CTNND2: variants seen among roughly 807,000 people sequenced by gnomAD.
The protein encoded by CTNND2 is catenin delta-2.
CTNND2 carries 22 observed loss-of-function variants against 144.4 expected under a neutral mutation model. That is an observed-to-expected ratio of 0.15 (90% confidence interval 0.11 to 0.22). CTNND2 has a LOEUF of 0.22. Among genes scored for constraint, CTNND2 ranks in the 10% least tolerant of loss-of-function variants. CTNND2 has a pLI of 1.00. For missense variants in CTNND2, 1,353 were observed against 1,618.8 expected (o/e 0.84, Z 2.82); for synonymous variants, 751 against 695.6 (o/e 1.08, Z -1.25).
intron 1 of CTNND2, among the ~76,000 whole-genome samples, chr5:11,881,014 A>G (rs1000013645): frequency 3.4e-5 from 5 of 148,362 alleles, no homozygotes; most frequent in Non-Finnish European, 7.4e-5. Flanking sequence ...TACCACCACT[A>G]CTACTACCAC....
intron 1 of CTNND2, among the ~76,000 whole-genome samples, chr5:11,833,825 G>C (rs1470282204): frequency 6.6e-6 from 1 of 152,124 alleles, no homozygotes; most frequent in Non-Finnish European, 1.5e-5. Context: ...TGCCCGACTG[G>C]AACTGTTTTC....
chr5:11,757,174 G>A (rs184364468), intron 1 of CTNND2, among the ~76,000 whole-genome samples: 3 of 150,952 alleles, frequency 2.0e-5, no homozygotes, highest in Admixed American at 6.6e-5. Context: ...CACACAAATC[G>A]ATATACACAC....
At chr5:11,872,975 C>T (rs964916376) in intron 1 of CTNND2, among the ~76,000 whole-genome samples, 12 of 152,086 alleles carry the variant, frequency 7.9e-5, no homozygotes, top group African/African-American at 2.7e-4. Flanking sequence ...AAAGCAATGC[C>T]AACAAAAGCC....
chr5:11,465,470 A>G (rs935519764), intron 3 of CTNND2, among the ~76,000 whole-genome samples: 4 of 152,198 alleles, frequency 2.6e-5, no homozygotes, highest in African/African-American at 9.7e-5. Flanking sequence ...GCATTCTCAC[A>G]TGATCGATGT....
chr5:11,237,311 G>C (rs932303780), intron 9 of CTNND2, among the ~76,000 whole-genome samples: 3 of 152,060 alleles, frequency 2.0e-5, no homozygotes, highest in Admixed American at 6.6e-5. Flanking sequence ...GAGCCAGCGC[G>C]CCCAGCCTAG....
At chr5:11,829,108 C>A (rs1793752689) in intron 1 of CTNND2, among the ~76,000 whole-genome samples, 1 of 152,006 alleles carries the variant, frequency 6.6e-6, no homozygotes, top group Non-Finnish European at 1.5e-5. Flanking sequence ...TTCCAAGCAG[C>A]AAAGCATTCA....
intron 18 of CTNND2, among the ~76,000 whole-genome samples, chr5:11,010,718 T>G (rs925124284): frequency 6.6e-6 from 1 of 152,210 alleles, no homozygotes; most frequent in African/African-American, 2.4e-5. Context: ...TTTCTTGTTT[T>G]GTGAGTGCAA....
chr5:11,533,237 A>C (rs1431796787), intron 3 of CTNND2, among the ~76,000 whole-genome samples: 1 of 152,224 alleles, frequency 6.6e-6, no homozygotes, highest in Non-Finnish European at 1.5e-5. Flanking sequence ...CAAATATGTA[A>C]AGCATATTTT....
At chr5:11,426,501 A>T (rs1762789444) in intron 3 of CTNND2, among the ~76,000 whole-genome samples, 1 of 152,208 alleles carries the variant, frequency 6.6e-6, no homozygotes, top group Non-Finnish European at 1.5e-5. Context: ...TCAATGGAGC[A>T]TGTGCAGAGT....
rs551963375 is a variant in CTNND2 at position 11,523,450 on chromosome 5, T to TCAGAA, written c.287+41489_287+41493dup. On this transcript the variant is annotated intron_variant, in intron 3 of 21. Coordinates refer to ENST00000304623, the MANE Select transcript of CTNND2 (RefSeq NM_001332.4). ...AATGAATGATCCTAAATTCCTGCAC[T>TCAGAA]CAGAAGCCTCCAATGACATCTTTGT... Among the ~76,000 whole-genome samples, 366 of 152,270 alleles carry TCAGAA rather than the reference T, an allele frequency of 2.4e-3. 2 individuals are homozygous for TCAGAA. The highest frequency in any genetic ancestry group is 8.4e-3 in the African/African-American group (349 of 41,556).
At chr5:11,862,086 G>T (rs576733816) in intron 1 of CTNND2, among the ~76,000 whole-genome samples, 17 of 152,050 alleles carry the variant, frequency 1.1e-4, no homozygotes, top group Non-Finnish European at 1.8e-4. Flanking sequence ...TACTCAAATT[G>T]GGTGAAATGG....
chr5:11,066,707 G>A (rs748263913), intron 16 of CTNND2, among the ~76,000 whole-genome samples: 9 of 152,028 alleles, frequency 5.9e-5, no homozygotes, highest in Admixed American at 1.3e-4. Context: ...GACTCTTTTC[G>A]TTGACACCTC....
chr5:11,063,956 T>C (rs1050171245), intron 16 of CTNND2, among the ~76,000 whole-genome samples: 5 of 152,144 alleles, frequency 3.3e-5, no homozygotes, highest in African/African-American at 1.2e-4. Flanking sequence ...AGCCTGTGTG[T>C]GGTCAGGCCA....
In CTNND2 at chr5:11,159,980, C is replaced by T. The variant is rs112440587; in HGVS notation, c.1976-221G>A. Among the ~76,000 whole-genome samples the T allele has an allele frequency of 3.4e-3, 524 of 152,312 alleles. 3 individuals are homozygous for T. The highest frequency in any genetic ancestry group is 0.012 in the African/African-American group (493 of 41,578). On this transcript the variant is annotated intron_variant, in intron 11 of 21. Coordinates refer to ENST00000304623, the MANE Select transcript of CTNND2 (RefSeq NM_001332.4). ...AGCAGAGGAACTGTGACATGATTAT[C>T]TTTATTTCCTCAGGGAGCATAATCA...
chr5:11,469,616 A>G (rs1196584575), intron 3 of CTNND2, among the ~76,000 whole-genome samples: 1 of 152,212 alleles, frequency 6.6e-6, no homozygotes, highest in Non-Finnish European at 1.5e-5. Flanking sequence ...GCTCAAGACC[A>G]GAACACCCAG....
chr5:11,009,383 C>A lies in CTNND2; in HGVS notation c.3084+8591G>T, dbSNP rs115935567. ...TGGGAGGCATTGAGACAGGGGAAGC[C>A]ACAGCTTATGAGAAGGGGAGGGAGA... On this transcript the variant is annotated intron_variant, in intron 18 of 21. Transcript: ENST00000304623. 6.5e-3 allele frequency among the ~76,000 whole-genome samples: 997 copies of A among 152,264 alleles called. 5 individuals are homozygous for A. Among genetic ancestry groups the A allele is most frequent in the South Asian group, 0.031 (149 of 4,820 alleles).
intron 9 of CTNND2, among the ~76,000 whole-genome samples, chr5:11,333,914 G>A (rs1286780385): frequency 2.6e-5 from 4 of 152,220 alleles, no homozygotes; most frequent in Admixed American, 6.5e-5. Flanking sequence ...CATTTCGGGC[G>A]GGAAGACAGA....
intron 10 of CTNND2, among the ~76,000 whole-genome samples, chr5:11,214,416 T>C (rs1314616320): frequency 6.6e-6 from 1 of 152,222 alleles, no homozygotes; most frequent in African/African-American, 2.4e-5. Context: ...GTTTATTGCA[T>C]ACAATTTTTC....
rs185262399 is a variant in CTNND2, at chr5:11,166,087, G to A, written c.1976-6328C>T. On this transcript the variant is annotated intron_variant, in intron 11 of 21. Transcript: ENST00000304623. ...TGGGCTTCATTCATTTTAAATAAATGTTTATAAAAATGTATTTACAATTAA... is the reference window on the plus strand; with the variant it reads ...TGGGCTTCATTCATTTTAAATAAATATTTATAAAAATGTATTTACAATTAA... Among the ~76,000 whole-genome samples, 235 of 151,944 alleles carry A rather than the reference G, an allele frequency of 1.5e-3. 1 individual carries two copies. The highest frequency in any genetic ancestry group is 2.5e-3 in the Non-Finnish European group (170 of 67,994).
Sources: allele counts gnomAD v4.1 joint callset (sites outside exome capture counted in the v4.1 genomes callset), GRCh38; gene constraint gnomAD v4.1.1; transcripts MANE v1.5; gene names NCBI Gene and HGNC (gene_info 2026-07-23, HGNC 2026-07-21).